The following IGFBP7 variants were observed in gnomAD, a reference collection of about 807,000 sequenced individuals.
IGFBP7 encodes insulin like growth factor binding protein 7.
In IGFBP7, 31 loss-of-function variants were observed where a neutral mutation model predicts 29.4. The ratio of observed to expected loss-of-function variants is 1.05; its 90% CI spans 0.79 to 1.42. IGFBP7 has a LOEUF of 1.42. Ranked by LOEUF, IGFBP7 falls within the 40% of genes most tolerant of loss-of-function variation. The pLI is 0.00. For synonymous variants in IGFBP7, 172 were observed against 174.9 expected (o/e 0.98, Z 0.13); for missense variants, 393 against 395.5 (o/e 0.99, Z 0.05).
At chr4:57,076,463 A>C (rs565289542) in intron 1 of IGFBP7, among the ~76,000 whole-genome samples, 1 of 152,130 alleles carries the variant, frequency 6.6e-6, no homozygotes, top group Non-Finnish European at 1.5e-5. Flanking sequence ...TTATTTAACC[A>C]TGCAACCTCC....
intron 1 of IGFBP7, among the ~76,000 whole-genome samples, chr4:57,105,274 G>A (rs146620325): frequency 8.8e-4 from 134 of 152,300 alleles, no homozygotes; most frequent in African/African-American, 3.2e-3. Context: ...TGTACACATT[G>A]TGTGAAAATA....
intron 1 of IGFBP7, among the ~76,000 whole-genome samples, chr4:57,063,784 A>AGCC: frequency 2.0e-5 from 3 of 152,308 alleles, no homozygotes; most frequent in Admixed American, 2.0e-4. Context: ...TTTCTGACTC[A>AGCC]GCCACTCAAC....
At chr4:57,074,601 TCCTCTA>T (rs1343983716) in intron 1 of IGFBP7, among the ~76,000 whole-genome samples, 1 of 152,194 alleles carries the variant, frequency 6.6e-6, no homozygotes, top group Non-Finnish European at 1.5e-5. Flanking sequence ...CCCATTTCTT[TCCTCTA>T]CCTCTTAAAG....
chr4:57,080,779 G>A (rs1304768516), intron 1 of IGFBP7, among the ~76,000 whole-genome samples: 8 of 152,158 alleles, frequency 5.3e-5, no homozygotes, highest in Admixed American at 3.9e-4. Context: ...CGTGCACACC[G>A]ATCCAGGAAA....
At chr4:57,034,719 C>A (rs1274607139) in intron 2 of IGFBP7, among the ~76,000 whole-genome samples, 1 of 152,124 alleles carries the variant, frequency 6.6e-6, no homozygotes, top group African/African-American at 2.4e-5. Context: ...GATGCCAGGA[C>A]TGGGATTCAG....
intron 2 of IGFBP7, among the ~76,000 whole-genome samples, chr4:57,040,012 G>A (rs922983770): frequency 2.0e-5 from 3 of 151,980 alleles, no homozygotes; most frequent in Non-Finnish European, 4.4e-5. Flanking sequence ...TCCACTTGGG[G>A]CTGGGGCCAG....
At chr4:57,091,126 A>G (rs1210488250) in intron 1 of IGFBP7, among the ~76,000 whole-genome samples, 3 of 152,196 alleles carry the variant, frequency 2.0e-5, no homozygotes, top group Non-Finnish European at 2.9e-5. Flanking sequence ...AAAGCCTTAG[A>G]GTCTCTGGAT....
At chr4:57,055,346 T>TA (rs924570581) in intron 1 of IGFBP7, among the ~76,000 whole-genome samples, 6 of 151,972 alleles carry the variant, frequency 3.9e-5, no homozygotes, top group African/African-American at 9.7e-5. Context: ...ACAGGTATCT[T>TA]AAAAAAAACT....
intron 4 of IGFBP7, 61 bp downstream of exon 4, chr4:57,032,365 C>G (rs1022312743): frequency 4.4e-6 from 7 of 1,595,076 alleles, no homozygotes; most frequent in Non-Finnish European, 6.0e-6. Context: ...ATACTTAGTT[C>G]TGTTCTTTTT....
At chr4:57,034,063 A>AAC (rs1238584667) in intron 2 of IGFBP7, among the ~76,000 whole-genome samples, 69 of 151,566 alleles carry the variant, frequency 4.6e-4, no homozygotes, top group African/African-American at 1.5e-3. Context: ...AAAAAAAAAA[A>AAC]AAAAACAGCT....
At position 57,031,026 on chromosome 4, in the gene IGFBP7, G is replaced by C; in HGVS notation, c.*291C>G. The stretch of plus-strand genomic sequence containing the variant: ...AGTCAACAAGATAATTAAATATCTT[G>C]GTGTCTTGTTTCTATTGTGTGGCTT... On this transcript the variant is annotated 3_prime_UTR_variant, in exon 5 of 5. Coordinates refer to ENST00000295666, the MANE Select transcript of IGFBP7 (RefSeq NM_001553.3). 1 of 1,214,724 alleles carries C rather than the reference G, an allele frequency of 8.2e-7. No homozygotes were observed. The highest frequency in any genetic ancestry group is 1.2e-6 in the Non-Finnish European group (1 of 816,168). 75.2% of individuals were successfully genotyped at this position (1,214,724 alleles called of 1,614,324 possible). A position where few individuals can be genotyped will look rare whatever the true frequency, so the allele number is the denominator to read the frequency against.
At position 57,058,548 on chromosome 4, in the gene IGFBP7, C is replaced by A. The variant is rs544019913; in HGVS notation, c.476-17615G>T. 3.3e-5 allele frequency among the ~76,000 whole-genome samples: 5 copies of A among 152,282 alleles called. No homozygotes were observed. The South Asian group carries it at 1.0e-3, about 32-fold the overall frequency. On this transcript the variant is annotated intron_variant, in intron 1 of 4. Coordinates refer to ENST00000295666, the MANE Select transcript of IGFBP7 (RefSeq NM_001553.3). ...GCTGGGATAACTGGCTAGCAATATG[C>A]AGAAGATTGAGGCTGAACCCCTTCC...
At chr4:57,078,799 G>A (rs1725291678) in intron 1 of IGFBP7, among the ~76,000 whole-genome samples, 2 of 151,860 alleles carry the variant, frequency 1.3e-5, no homozygotes, top group Non-Finnish European at 2.9e-5. Flanking sequence ...GCACAGTCAG[G>A]CATTTCAGAA....
rs1443028086 is a variant in IGFBP7, at chr4:57,110,053, G to GC, written c.298dup (p.Ala100GlyfsTer83). On this transcript the variant is annotated frameshift_variant, in exon 1 of 5. Coordinates refer to ENST00000295666, the MANE Select transcript of IGFBP7 (RefSeq NM_001553.3). LOFTEE classifies it high-confidence loss of function. ...GCTTACACCCGGACCGCCGGCTGCT[G>GC]CCCCGGCTTTACCCTTCCGCCTCTT... 3.8e-6 allele frequency: 6 copies of GC among 1,561,514 alleles called. No homozygotes were observed. The East Asian group carries it at 1.4e-4, about 37-fold the overall frequency.
chr4:57,036,064 A>G lies in IGFBP7; in HGVS notation c.586-2753T>C, dbSNP rs868665684. Among the ~76,000 whole-genome samples the G allele has an allele frequency of 3.9e-5, 6 of 152,380 alleles. 1 individual carries two copies. Among genetic ancestry groups the G allele is most frequent in the South Asian group, 2.1e-4 (1 of 4,830 alleles). On this transcript the variant is annotated intron_variant, in intron 2 of 4. Coordinates refer to ENST00000295666, the MANE Select transcript of IGFBP7 (RefSeq NM_001553.3). ...AAAATTTGGAAACAACAGAAAAAATACAGAACTGATTTAATAAATTACAGT... is the reference window on the plus strand; with the variant it reads ...AAAATTTGGAAACAACAGAAAAAATGCAGAACTGATTTAATAAATTACAGT...
chr4:57,050,128 G>A (rs1274709020), intron 1 of IGFBP7, among the ~76,000 whole-genome samples: 6 of 151,922 alleles, frequency 3.9e-5, no homozygotes, highest in African/African-American at 9.7e-5. Flanking sequence ...AAATCCCACC[G>A]AGATGGGTAG....
At chr4:57,074,053 C>G (rs1484902913) in intron 1 of IGFBP7, among the ~76,000 whole-genome samples, 1 of 64,260 alleles carries the variant, frequency 1.6e-5, no homozygotes, top group Non-Finnish European at 3.8e-5. Flanking sequence ...CTCTCTCTCT[C>G]TCTCTCTCTC....
chr4:57,075,647 A>T (rs1560502354), intron 1 of IGFBP7, among the ~76,000 whole-genome samples: 1 of 59,218 alleles, frequency 1.7e-5, no homozygotes. Context: ...AAGCAAAAAC[A>T]TTAAAAAAAT....
chr4:57,109,778 G>C, intron 1 of IGFBP7, 99 bp downstream of exon 1: 1 of 1,363,550 alleles, frequency 7.3e-7, no homozygotes, highest in Non-Finnish European at 9.6e-7. Context: ...GGGAATCGCA[G>C]TGAGCAGCGC....
Sources: allele counts gnomAD v4.1 joint callset (sites outside exome capture counted in the v4.1 genomes callset), GRCh38; gene constraint gnomAD v4.1.1; transcripts MANE v1.5; gene names NCBI Gene and HGNC (gene_info 2026-07-23, HGNC 2026-07-21).